Variants in CALCRL observed in about 807,000 individuals in gnomAD.
CALCRL encodes the protein calcitonin gene-related peptide type 1 receptor.
Under a neutral mutation model 60.4 loss-of-function variants are expected in CALCRL, and 27 were observed. The observed-to-expected ratio is 0.45, with a 90% confidence interval of 0.33 to 0.62. CALCRL has a LOEUF of 0.62. Among genes scored for constraint, CALCRL ranks in the 20% least tolerant of loss-of-function variants. CALCRL has a pLI of 0.03. For synonymous variants in CALCRL, 190 were observed against 182.6 expected (o/e 1.04, Z -0.33); for missense variants, 424 against 540.7 (o/e 0.78, Z 2.14).
At chr2:187,438,835 A>G (rs1269386033) in intron 1 of CALCRL, among the ~76,000 whole-genome samples, 3 of 152,230 alleles carry the variant, frequency 2.0e-5, no homozygotes, top group African/African-American at 4.8e-5. Context: ...TTTTCCTTTC[A>G]AAGTCAGTGA....
At chr2:187,404,020 A>G (rs1256783479) in intron 1 of CALCRL, among the ~76,000 whole-genome samples, 5 of 151,900 alleles carry the variant, frequency 3.3e-5, no homozygotes, top group African/African-American at 1.2e-4. Context: ...ACCAAGTGCT[A>G]TTATCAACTC....
At position 187,360,590 on chromosome 2, in the gene CALCRL, A is replaced by G; in HGVS notation, c.781+8T>C. 1 of 1,604,784 alleles carries G rather than the reference A, an allele frequency of 6.2e-7. No individual in the cohort carries two copies. The highest frequency in any genetic ancestry group is 8.5e-7 in the Non-Finnish European group (1 of 1,176,118). On this transcript the variant is annotated splice_region_variant and intron_variant, in intron 10 of 14. Coordinates refer to ENST00000392370, the MANE Select transcript of CALCRL (RefSeq NM_005795.6). ...ACTGAATCAACAAGTATGTATAATAACACTTACCCCAGCCAAGAAAATAAT... is the reference window on the plus strand; with the variant it reads ...ACTGAATCAACAAGTATGTATAATAGCACTTACCCCAGCCAAGAAAATAAT...
intron 8 of CALCRL, among the ~76,000 whole-genome samples, chr2:187,369,322 C>T (rs538609024): frequency 1.3e-5 from 2 of 152,198 alleles, no homozygotes; most frequent in South Asian, 4.2e-4. Context: ...GGCTCCAAAA[C>T]CAACCAACCA....
At chr2:187,380,069 T>C (rs1177961088) in intron 7 of CALCRL, among the ~76,000 whole-genome samples, 2 of 152,176 alleles carry the variant, frequency 1.3e-5, no homozygotes, top group East Asian at 3.9e-4. Context: ...ATCCTTCTGC[T>C]GAGGGAGGGA....
chr2:187,415,201 A>C (rs1689548959), intron 1 of CALCRL, among the ~76,000 whole-genome samples: 1 of 152,236 alleles, frequency 6.6e-6, no homozygotes, highest in Non-Finnish European at 1.5e-5. Context: ...AAAAGTCCAC[A>C]CTAAGTAAAT....
intron 12 of CALCRL, among the ~76,000 whole-genome samples, chr2:187,357,888 A>G (rs534382561): frequency 2.6e-5 from 4 of 152,176 alleles, no homozygotes; most frequent in South Asian, 4.1e-4. Flanking sequence ...ATGCATATGT[A>G]TGTAACAAAC....
In CALCRL at chr2:187,379,444, CT is replaced by C. The variant is rs568742223; in HGVS notation, c.409-414del. Among the ~76,000 whole-genome samples the C allele has an allele frequency of 1.9e-4, 29 of 152,066 alleles. 1 individual carries two copies. Among genetic ancestry groups the C allele is most frequent in the Non-Finnish European group, 4.1e-4 (28 of 67,972 alleles). ...TGCCAGATAAAGGTTTATTTTCAAA[CT>C]GAGTTTCTTTTTCCTTTGACAAATT... On this transcript the variant is annotated intron_variant, in intron 7 of 14. Transcript: ENST00000392370.
intron 1 of CALCRL, among the ~76,000 whole-genome samples, chr2:187,398,429 C>G (rs1303806237): frequency 6.6e-6 from 1 of 151,594 alleles, no homozygotes; most frequent in Non-Finnish European, 1.5e-5. Flanking sequence ...TCCAATCATT[C>G]TCAAAATAAA....
At chr2:187,418,629 A>G (rs1461625561) in intron 1 of CALCRL, among the ~76,000 whole-genome samples, 1 of 152,154 alleles carries the variant, frequency 6.6e-6, no homozygotes, top group Admixed American at 6.5e-5. Flanking sequence ...AGCTCATAGT[A>G]GACATTGGAA....
chr2:187,406,212 T>C (rs757085971), intron 1 of CALCRL, among the ~76,000 whole-genome samples: 16 of 151,192 alleles, frequency 1.1e-4, no homozygotes, highest in Non-Finnish European at 2.1e-4. Flanking sequence ...AAATCTGATA[T>C]GTTGTATGTG....
intron 8 of CALCRL, among the ~76,000 whole-genome samples, chr2:187,365,703 A>C (rs1442800668): frequency 6.6e-6 from 1 of 152,244 alleles, no homozygotes; most frequent in Non-Finnish European, 1.5e-5. Context: ...ACTTTCAAAA[A>C]TAGAACTATT....
At chr2:187,399,756 A>G (rs1688807052) in intron 1 of CALCRL, among the ~76,000 whole-genome samples, 1 of 151,534 alleles carries the variant, frequency 6.6e-6, no homozygotes, top group Non-Finnish European at 1.5e-5. Context: ...GACACAAAAC[A>G]GAATACTATT....
At chr2:187,373,759 G>C (rs1158508943) in intron 8 of CALCRL, among the ~76,000 whole-genome samples, 3 of 152,114 alleles carry the variant, frequency 2.0e-5, no homozygotes, top group African/African-American at 7.2e-5. Context: ...AATATGATCT[G>C]CATTTTTAAT....
At chr2:187,372,744 CAGAA>C (rs1233882768) in intron 8 of CALCRL, among the ~76,000 whole-genome samples, 2 of 152,104 alleles carry the variant, frequency 1.3e-5, no homozygotes, top group Non-Finnish European at 2.9e-5. Context: ...GGTTAAGAAA[CAGAA>C]AGGATCTGCT....
chr2:187,356,800 T>A (rs1456463351), intron 12 of CALCRL, among the ~76,000 whole-genome samples: 1 of 151,996 alleles, frequency 6.6e-6, no homozygotes, highest in Non-Finnish European at 1.5e-5. Flanking sequence ...TTAAACAAAT[T>A]TACAAGAAAT....
chr2:187,356,174 A>T, intron 12 of CALCRL, among the ~76,000 whole-genome samples: 1 of 152,194 alleles, frequency 6.6e-6, no homozygotes, highest in East Asian at 1.9e-4. Flanking sequence ...GGAACCAAAA[A>T]AAGAGCCTGT....
At chr2:187,388,635 C>T (rs1688303272) in intron 1 of CALCRL, among the ~76,000 whole-genome samples, 1 of 151,978 alleles carries the variant, frequency 6.6e-6, no homozygotes, top group Admixed American at 6.6e-5. Flanking sequence ...AATGAAATGC[C>T]AACCTATTCA....
At chr2:187,351,780 C>T in intron 14 of CALCRL, 140 bp downstream of exon 14, 1 of 617,310 alleles carries the variant, frequency 1.6e-6, no homozygotes, top group South Asian at 2.2e-5. Context: ...GTAAGAGATT[C>T]TATGGTTCTT....
At chr2:187,388,782 T>C (rs1300737218) in intron 1 of CALCRL, among the ~76,000 whole-genome samples, 1 of 152,086 alleles carries the variant, frequency 6.6e-6, no homozygotes, top group African/African-American at 2.4e-5. Flanking sequence ...ATTATGCATT[T>C]TGCAAAACTC....
Sources: gnomAD v4.1 joint callset for allele counts (sites outside exome capture counted in the v4.1 genomes callset) on GRCh38, gnomAD v4.1.1 for gene constraint, MANE v1.5 for transcripts, NCBI Gene and HGNC (gene_info 2026-07-23, HGNC 2026-07-21) for gene names.